FAM114A1: variants seen among roughly 807,000 people sequenced by gnomAD.
The protein encoded by FAM114A1 is protein NOXP20.
Under a neutral mutation model 64.3 loss-of-function variants are expected in FAM114A1, and 62 were observed. The observed-to-expected ratio is 0.96, with a 90% confidence interval of 0.79 to 1.19. The LOEUF (loss-of-function observed/expected upper bound fraction) is 1.19, where lower values mean the gene tolerates loss of function less well. FAM114A1 is among the 50% of genes most tolerant of loss of function. FAM114A1 has a pLI of 0.00. For synonymous variants in FAM114A1, 254 were observed against 251.1 expected (o/e 1.01, Z -0.11); for missense variants, 645 against 676.3 (o/e 0.95, Z 0.51).
At chr4:38,920,956 A>G (rs1222992813) in intron 8 of FAM114A1, among the ~76,000 whole-genome samples, 1 of 152,208 alleles carries the variant, frequency 6.6e-6, no homozygotes, top group African/African-American at 2.4e-5. Context: ...TGCTGGCTGC[A>G]TTATGCCCTG....
intron 6 of FAM114A1, 75 bp downstream of exon 6, chr4:38,905,936 A>AC (rs370100413): frequency 3.1e-6 from 4 of 1,285,216 alleles, no homozygotes; most frequent in African/African-American, 1.5e-5. Flanking sequence ...TTTACCAGTG[A>AC]CCTAGATACA....
intron 4 of FAM114A1, among the ~76,000 whole-genome samples, chr4:38,896,691 C>T (rs971841760): frequency 9.2e-5 from 14 of 152,206 alleles, no homozygotes; most frequent in African/African-American, 2.2e-4. Flanking sequence ...GAGAGGCAAG[C>T]GAGGCACAAT....
At chr4:38,923,165 G>C (rs2109754970) in intron 9 of FAM114A1, among the ~76,000 whole-genome samples, 1 of 151,200 alleles carries the variant, frequency 6.6e-6, no homozygotes, top group East Asian at 1.9e-4. Flanking sequence ...CATATAGTCA[G>C]ATAAACAAAG....
intron 3 of FAM114A1, among the ~76,000 whole-genome samples, chr4:38,881,901 T>C (rs1026419291): frequency 2.6e-5 from 4 of 152,214 alleles, no homozygotes; most frequent in Admixed American, 2.0e-4. Flanking sequence ...GTTGTTTGGA[T>C]TGAACACAGG....
intron 3 of FAM114A1, among the ~76,000 whole-genome samples, chr4:38,883,737 CAG>C (rs1715525405): frequency 6.6e-6 from 1 of 152,216 alleles, no homozygotes; most frequent in African/African-American, 2.4e-5. Context: ...ACCGGATGAG[CAG>C]AGTTTTCTCC....
intron 1 of FAM114A1, chr4:38,868,072 A>T (rs1309447183): frequency 8.1e-5 from 33 of 405,862 alleles, no homozygotes; most frequent in Admixed American, 3.1e-4. Flanking sequence ...TGTGTGTGTG[A>T]GTGTGTGTCG....
chr4:38,928,461 T>C (rs1461944057), intron 9 of FAM114A1, among the ~76,000 whole-genome samples: 1 of 152,214 alleles, frequency 6.6e-6, no homozygotes, highest in Non-Finnish European at 1.5e-5. Flanking sequence ...TTTTATTTTA[T>C]GATATTTGAT....
intron 7 of FAM114A1, among the ~76,000 whole-genome samples, chr4:38,910,781 G>A (rs1261481195): frequency 1.3e-5 from 2 of 152,184 alleles, no homozygotes; most frequent in Admixed American, 6.5e-5. Flanking sequence ...TGTCTGGCAT[G>A]AACACAGAAC....
At chr4:38,938,033 G>A (rs531781928) in intron 13 of FAM114A1, among the ~76,000 whole-genome samples, 4 of 148,720 alleles carry the variant, frequency 2.7e-5, no homozygotes, top group South Asian at 2.2e-4. Flanking sequence ...CACGGCGCCC[G>A]ACCTACACAT....
At chr4:38,905,706 G>A (rs1418976555) in intron 5 of FAM114A1, 49 bp from the exon 6 acceptor site, 1 of 1,610,580 alleles carries the variant, frequency 6.2e-7, no homozygotes, top group Non-Finnish European at 8.5e-7. Context: ...GGTTTTCCAA[G>A]TTCAGATCAG....
At chr4:38,908,096 G>GTCT (rs1249800700) in intron 6 of FAM114A1, among the ~76,000 whole-genome samples, 1 of 152,026 alleles carries the variant, frequency 6.6e-6, no homozygotes, top group Non-Finnish European at 1.5e-5. Context: ...CAGCCTGAGG[G>GTCT]TCTTACCCTC....
At chr4:38,935,829 G>T in intron 13 of FAM114A1, 39 bp downstream of exon 13, 1 of 1,415,370 alleles carries the variant, frequency 7.1e-7, no homozygotes, top group South Asian at 1.2e-5. Context: ...CCTTTTTTAA[G>T]GGAAGTATGT....
intron 8 of FAM114A1, among the ~76,000 whole-genome samples, chr4:38,916,570 CA>C (rs1381165334): frequency 6.6e-6 from 1 of 152,016 alleles, no homozygotes; most frequent in African/African-American, 2.4e-5. Flanking sequence ...AACGGAAAAC[CA>C]AAACTGCGTG....
At chr4:38,918,173 G>A (rs993284953) in intron 8 of FAM114A1, among the ~76,000 whole-genome samples, 2 of 152,104 alleles carry the variant, frequency 1.3e-5, no homozygotes, top group African/African-American at 2.4e-5. Flanking sequence ...GTGGTGAGCC[G>A]AGATCGCGCC....
At chr4:38,891,906 T>C (rs1716445665) in intron 4 of FAM114A1, 76 bp downstream of exon 4, 1 of 1,334,558 alleles carries the variant, frequency 7.5e-7, no homozygotes, top group Admixed American at 2.4e-5. Context: ...TCGTACTGTA[T>C]ACTAATAGAG....
intron 9 of FAM114A1, among the ~76,000 whole-genome samples, chr4:38,928,768 A>G (rs1720367255): frequency 1.3e-5 from 2 of 152,244 alleles, no homozygotes; most frequent in Non-Finnish European, 2.9e-5. Flanking sequence ...TTTATTCAGC[A>G]CTGTGGCTCT....
At chr4:38,901,700 T>C (rs1332290598) in intron 4 of FAM114A1, among the ~76,000 whole-genome samples, 2 of 152,260 alleles carry the variant, frequency 1.3e-5, no homozygotes, top group Admixed American at 1.3e-4. Context: ...TTTTTGATCC[T>C]GGTGGAATTC....
intron 8 of FAM114A1, 133 bp from the exon 9 acceptor site, chr4:38,922,637 G>A (rs533804315): frequency 5.2e-6 from 6 of 1,159,684 alleles, no homozygotes; most frequent in Middle Eastern, 2.2e-4. Flanking sequence ...CATGCATCAA[G>A]CCAACATTCA....
At chr4:38,878,495 A>T in intron 3 of FAM114A1, 69 bp downstream of exon 3, 1 of 1,392,710 alleles carries the variant, frequency 7.2e-7, no homozygotes, top group South Asian at 1.4e-5. Flanking sequence ...CAGAGCTAGC[A>T]CCAAGCTCTG....
Sources: gnomAD v4.1 joint callset for allele counts (sites outside exome capture counted in the v4.1 genomes callset) on GRCh38, gnomAD v4.1.1 for gene constraint, MANE v1.5 for transcripts, NCBI Gene and HGNC (gene_info 2026-07-23, HGNC 2026-07-21) for gene names.